The following SLC25A21 variants were observed in gnomAD, a reference collection of about 807,000 sequenced individuals.
The protein encoded by SLC25A21 is mitochondrial 2-oxodicarboxylate carrier.
SLC25A21 carries 47 observed loss-of-function variants against 43.8 expected under a neutral mutation model. That is an observed-to-expected ratio of 1.07 (90% confidence interval 0.85 to 1.37). The LOEUF is 1.37. SLC25A21 is among the 40% of genes most tolerant of loss of function. SLC25A21 has a pLI of 0.00. For missense variants in SLC25A21, 352 were observed against 350.2 expected, an observed-to-expected ratio of 1.00 and a Z score of -0.04; for synonymous variants, 131 against 121.3, an observed-to-expected ratio of 1.08 and a Z score of -0.52.
intron 2 of SLC25A21, among the ~76,000 whole-genome samples, chr14:36,853,852 TTTTGTTCCA>T (rs1889818325): frequency 6.6e-6 from 1 of 152,176 alleles, no homozygotes; most frequent in Non-Finnish European, 1.5e-5. Context: ...CATCCAGTGC[TTTTGTTCCA>T]CTTGGATTAG....
chr14:36,862,365 C>T (rs967937621), intron 2 of SLC25A21, among the ~76,000 whole-genome samples: 8 of 152,170 alleles, frequency 5.3e-5, no homozygotes, highest in South Asian at 2.1e-4. Flanking sequence ...AACCCAAATG[C>T]CCATCAATGA....
At chr14:36,854,239 A>C (rs565862912) in intron 2 of SLC25A21, among the ~76,000 whole-genome samples, 1 of 152,354 alleles carries the variant, frequency 6.6e-6, no homozygotes, top group African/African-American at 2.4e-5. Context: ...ATATTAATAC[A>C]TTATAGACAC....
At chr14:36,824,485 C>T (rs577334152) in intron 2 of SLC25A21, among the ~76,000 whole-genome samples, 15 of 152,246 alleles carry the variant, frequency 9.9e-5, no homozygotes, top group African/African-American at 3.6e-4. Context: ...AGTCATACTG[C>T]TTACTTTTAT....
At position 36,890,082 on chromosome 14, in the gene SLC25A21, A is replaced by G. The variant is rs550709980; in HGVS notation, c.71-15078T>C. On this transcript the variant is annotated intron_variant, in intron 1 of 9. Coordinates refer to ENST00000331299, the MANE Select transcript of SLC25A21 (RefSeq NM_030631.4). ...CTTCTGGCTTATAATTTCACAGGGT[A>G]ATAGGAAGCAAGGTTGTCAACCTAG... Among the ~76,000 whole-genome samples, 61 of 152,220 alleles carry G rather than the reference A, an allele frequency of 4.0e-4. 1 individual carries two copies. The highest frequency in any genetic ancestry group is 5.0e-4 in the Non-Finnish European group (34 of 68,000).
intron 1 of SLC25A21, among the ~76,000 whole-genome samples, chr14:37,155,060 A>C (rs1292521928): frequency 6.6e-6 from 1 of 151,820 alleles, no homozygotes. Context: ...AAAATCTCAG[A>C]ACTAAAAGAC....
intron 1 of SLC25A21, among the ~76,000 whole-genome samples, chr14:37,087,780 T>C (rs898222415): frequency 2.0e-5 from 3 of 152,158 alleles, no homozygotes; most frequent in African/African-American, 2.4e-5. Context: ...TCTCCAACCA[T>C]GTTTGTTTTT....
At chr14:36,984,168 C>T (rs767984341) in intron 1 of SLC25A21, among the ~76,000 whole-genome samples, 11 of 152,112 alleles carry the variant, frequency 7.2e-5, no homozygotes, top group Admixed American at 3.3e-4. Context: ...GTAACAGCAA[C>T]GACAACAAAA....
intron 1 of SLC25A21, among the ~76,000 whole-genome samples, chr14:36,963,855 C>A (rs1326244221): frequency 2.6e-5 from 4 of 152,128 alleles, no homozygotes; most frequent in African/African-American, 9.7e-5. Flanking sequence ...GAAGGATGCT[C>A]AAAGTGCTCG....
At chr14:36,848,134 G>A (rs1419589910) in intron 2 of SLC25A21, among the ~76,000 whole-genome samples, 1 of 152,102 alleles carries the variant, frequency 6.6e-6, no homozygotes, top group Non-Finnish European at 1.5e-5. Flanking sequence ...ATCATAAGGT[G>A]CTGCTAAGTA....
intron 3 of SLC25A21, among the ~76,000 whole-genome samples, chr14:36,768,973 A>ATTTCTG (rs1555326968): frequency 6.7e-6 from 1 of 148,398 alleles, no homozygotes; most frequent in Non-Finnish European, 1.5e-5. Context: ...ATCTATATCT[A>ATTTCTG]TATCTATATC....
intron 1 of SLC25A21, among the ~76,000 whole-genome samples, chr14:37,152,370 A>G (rs1963772621): frequency 7.2e-6 from 1 of 138,230 alleles, no homozygotes; most frequent in South Asian, 2.3e-4. Context: ...CTGACTCTCA[A>G]TTTCATTTTA....
chr14:37,148,826 GA>G (rs1266503555), intron 1 of SLC25A21, among the ~76,000 whole-genome samples: 1 of 152,136 alleles, frequency 6.6e-6, no homozygotes, highest in Non-Finnish European at 1.5e-5. Context: ...AAAAATCAAG[GA>G]AAAGTAAAAT....
chr14:36,798,902 AAGAG>A (rs10637597), intron 3 of SLC25A21, among the ~76,000 whole-genome samples: 1 of 150,770 alleles, frequency 6.6e-6, no homozygotes, highest in African/African-American at 2.4e-5. Flanking sequence ...TAGGGAGAGA[AAGAG>A]AGAGAGAGAG....
At chr14:36,811,830 T>A (rs1888279560) in intron 3 of SLC25A21, among the ~76,000 whole-genome samples, 1 of 152,216 alleles carries the variant, frequency 6.6e-6, no homozygotes, top group African/African-American at 2.4e-5. Context: ...AAAATTGTAA[T>A]GTAAAAAACT....
chr14:37,012,770 A>G (rs1254486530), intron 1 of SLC25A21, among the ~76,000 whole-genome samples: 1 of 152,206 alleles, frequency 6.6e-6, no homozygotes, highest in African/African-American at 2.4e-5. Context: ...AACACTTAGG[A>G]CACTCAGTGT....
chr14:36,829,990 C>T lies in SLC25A21; in HGVS notation c.120-15989G>A, dbSNP rs576376594. On this transcript the variant is annotated intron_variant, in intron 2 of 9. Transcript: ENST00000331299. ...AGAGAGCTGACTATTGCTTTCTACA[C>T]GACTGTGTATTGTGACCAGTGAATA... Among the ~76,000 whole-genome samples the T allele has an allele frequency of 1.1e-4, 16 of 151,758 alleles. No individual in the cohort carries two copies. The South Asian group carries it at 1.9e-3, about 18-fold the overall frequency.
intron 1 of SLC25A21, among the ~76,000 whole-genome samples, chr14:37,036,196 A>C (rs1354409209): frequency 6.6e-6 from 1 of 151,576 alleles, no homozygotes; most frequent in Admixed American, 6.6e-5. Flanking sequence ...AATGCCAGAG[A>C]TTTTTTTTTC....
intron 1 of SLC25A21, among the ~76,000 whole-genome samples, chr14:37,146,497 T>C (rs566600768): frequency 1.3e-5 from 2 of 152,306 alleles, no homozygotes; most frequent in African/African-American, 4.8e-5. Context: ...TCCGCCTGAC[T>C]TGGCCTCCCA....
chr14:36,740,966 C>T (rs1885231354), intron 3 of SLC25A21, among the ~76,000 whole-genome samples: 1 of 152,074 alleles, frequency 6.6e-6, no homozygotes. Context: ...AAGTTCCTTG[C>T]TTTAAGTTAG....
Sources: allele counts gnomAD v4.1 joint callset (sites outside exome capture counted in the v4.1 genomes callset), GRCh38; gene constraint gnomAD v4.1.1; transcripts MANE v1.5; gene names NCBI Gene and HGNC (gene_info 2026-07-23, HGNC 2026-07-21).